MAN1A1: variants seen among roughly 807,000 people sequenced by gnomAD.
The protein encoded by MAN1A1 is mannosidase alpha class 1A member 1, also known as mannosyl-oligosaccharide 1,2-alpha-mannosidase IA.
In MAN1A1, 29 loss-of-function variants were observed where a neutral mutation model predicts 70.8. The ratio of observed to expected loss-of-function variants is 0.41; its 90% CI spans 0.31 to 0.56. The LOEUF (loss-of-function observed/expected upper bound fraction) is 0.56. Among genes scored for constraint, MAN1A1 ranks in the 20% least tolerant of loss-of-function variants. MAN1A1 has a pLI of 0.29. For synonymous variants in MAN1A1, 349 were observed against 330.1 expected, an observed-to-expected ratio of 1.06 and a Z score of -0.62; for missense variants, 747 against 841.3, an observed-to-expected ratio of 0.89 and a Z score of 1.39.
chr6:119,277,388 C>T (rs1482750848), intron 5 of MAN1A1, among the ~76,000 whole-genome samples: 1 of 152,086 alleles, frequency 6.6e-6, no homozygotes, highest in African/African-American at 2.4e-5. Context: ...AGTGATATCA[C>T]AAGAAAGTCT....
intron 9 of MAN1A1, among the ~76,000 whole-genome samples, chr6:119,192,039 C>T (rs4946404): frequency 0.28 from 42,490 of 152,040 alleles, 6,596 homozygotes; most frequent in East Asian, 0.55. Context: ...ACTTTGACTT[C>T]ATTTGTTCTT....
At chr6:119,254,981 C>A (rs184889476) in intron 5 of MAN1A1, among the ~76,000 whole-genome samples, 1 of 152,088 alleles carries the variant, frequency 6.6e-6, no homozygotes, top group Non-Finnish European at 1.5e-5. Flanking sequence ...TTTTGATCAA[C>A]GTTTTAAAAA....
chr6:119,231,522 G>C (rs1774675902), intron 6 of MAN1A1, among the ~76,000 whole-genome samples: 2 of 152,090 alleles, frequency 1.3e-5, no homozygotes, highest in African/African-American at 4.8e-5. Flanking sequence ...CTTCATAGCG[G>C]TGTGAGAACA....
chr6:119,301,334 G>A (rs1407364404), intron 4 of MAN1A1, among the ~76,000 whole-genome samples: 1 of 152,116 alleles, frequency 6.6e-6, no homozygotes, highest in Non-Finnish European at 1.5e-5. Flanking sequence ...GTCCTCCCCA[G>A]TCAAAATTAT....
At chr6:119,192,227 GTAAT>G (rs914794754) in intron 9 of MAN1A1, among the ~76,000 whole-genome samples, 13 of 152,104 alleles carry the variant, frequency 8.5e-5, no homozygotes, top group African/African-American at 3.1e-4. Context: ...TGCCAGTATG[GTAAT>G]TAGAGGATGA....
At position 119,349,525 on chromosome 6, in the gene MAN1A1, G is replaced by C. The variant is rs116384546; in HGVS notation, c.-223+17C>G. On this transcript the variant is annotated intron_variant, in intron 1 of 12. Transcript: ENST00000368468. ...GGTCAGGGCAGCGCGCGAGCACCTC[G>C]GGGAGGGGCAGCGCACCTCTGGGCA... 158 of 985,000 alleles carry C rather than the reference G, an allele frequency of 1.6e-4. 1 individual carries two copies. The African/African-American group carries it at 2.7e-3, about 17-fold the overall frequency. 61.0% of individuals were successfully genotyped at this position (985,000 alleles called of 1,614,324 possible).
intron 7 of MAN1A1, among the ~76,000 whole-genome samples, chr6:119,201,608 T>C (rs1361726270): frequency 6.6e-6 from 1 of 152,196 alleles, no homozygotes; most frequent in Admixed American, 6.5e-5. Flanking sequence ...TTGTGCATCC[T>C]AGTGGGACGG....
intron 5 of MAN1A1, among the ~76,000 whole-genome samples, chr6:119,267,627 C>T (rs1392315464): frequency 6.6e-6 from 1 of 152,140 alleles, no homozygotes; most frequent in Admixed American, 6.5e-5. Flanking sequence ...GCATCCAGAT[C>T]AAGAAACAGG....
Position 119,250,648 on chromosome 6 carries a change from C to CTCTGTGTG in MAN1A1, c.898-2295_898-2294insCACACAGA, listed in dbSNP as rs373911155. Among the ~76,000 whole-genome samples the CTCTGTGTG allele has an allele frequency of 7.4e-4, 110 of 148,634 alleles. 1 individual carries two copies. The East Asian group carries it at 0.021, about 29-fold the overall frequency. Reference sequence around the variant, plus strand: ...CAGACTCCTCTCTCTTGTTCTCTCTCTGTGTGTGTGTGTGTGTGTGTGTGT... The same window carrying CTCTGTGTG: ...CAGACTCCTCTCTCTTGTTCTCTCTCTCTGTGTGTGTGTGTGTGTGTGTGTGTGTGTGT... On this transcript the variant is annotated intron_variant, in intron 5 of 12. Coordinates refer to ENST00000368468, the MANE Select transcript of MAN1A1 (RefSeq NM_005907.4).
rs556632468 is a variant in MAN1A1, at chr6:119,215,344, T to C, written c.993-10462A>G. On this transcript the variant is annotated intron_variant, in intron 6 of 12. Transcript: ENST00000368468. ...TTTACATGGCATCAAGCATACAGTA[T>C]GAGGTAAATGGCAAAGGATACAGAA... 5.3e-5 allele frequency among the ~76,000 whole-genome samples: 8 copies of C among 152,334 alleles called. No homozygotes were observed. In the East Asian group the frequency reaches 1.2e-3, roughly 22 times the overall value.
At chr6:119,232,029 T>C (rs970497582) in intron 6 of MAN1A1, among the ~76,000 whole-genome samples, 2 of 152,186 alleles carry the variant, frequency 1.3e-5, no homozygotes, top group Non-Finnish European at 2.9e-5. Flanking sequence ...TGGTGAAATA[T>C]AGTTCTGGTA....
upstream of MAN1A1, chr6:119,350,391 T>G (rs1036796861): frequency 3.5e-6 from 1 of 286,606 alleles, no homozygotes; most frequent in African/African-American, 2.3e-5. Context: ...TATAACATCC[T>G]TTTACATCCT....
chr6:119,185,032 G>A (rs1773250337), intron 11 of MAN1A1, among the ~76,000 whole-genome samples: 1 of 152,064 alleles, frequency 6.6e-6, no homozygotes, highest in Non-Finnish European at 1.5e-5. Context: ...AGGGACTATA[G>A]GAGTGTGCCA....
At chr6:119,319,331 G>A (rs146371590) in intron 2 of MAN1A1, among the ~76,000 whole-genome samples, 1 of 150,810 alleles carries the variant, frequency 6.6e-6, no homozygotes, top group East Asian at 1.9e-4. Context: ...ATCTGATAGA[G>A]CCTGATTTTT....
intron 2 of MAN1A1, among the ~76,000 whole-genome samples, chr6:119,311,914 C>A (rs761714301): frequency 2.0e-5 from 3 of 152,086 alleles, no homozygotes; most frequent in Non-Finnish European, 4.4e-5. Context: ...TCTGCTTGTT[C>A]GGGCTATTTT....
chr6:119,308,380 AT>A (rs1430697010), intron 2 of MAN1A1, among the ~76,000 whole-genome samples: 2 of 152,062 alleles, frequency 1.3e-5, no homozygotes, highest in African/African-American at 2.4e-5. Context: ...TGTTTTCAGG[AT>A]TTTTTTCTTA....
chr6:119,188,163 T>C (rs1193081187), intron 11 of MAN1A1, among the ~76,000 whole-genome samples: 1 of 152,236 alleles, frequency 6.6e-6, no homozygotes, highest in Non-Finnish European at 1.5e-5. Flanking sequence ...ACTATGCCTT[T>C]CTAGTTATCT....
chr6:119,193,931 T>C, intron 8 of MAN1A1, 39 bp from the exon 9 acceptor site: 1 of 1,350,052 alleles, frequency 7.4e-7, no homozygotes, highest in African/African-American at 1.4e-5. Context: ...GTGATTCAGC[T>C]TTTAATTCAG....
chr6:119,279,181 T>C (rs1776161699), intron 5 of MAN1A1, among the ~76,000 whole-genome samples: 1 of 152,168 alleles, frequency 6.6e-6, no homozygotes, highest in East Asian at 1.9e-4. Flanking sequence ...AAGCTTCCAA[T>C]AACCTATTAA....
Sources: gnomAD v4.1 joint callset for allele counts (sites outside exome capture counted in the v4.1 genomes callset) on GRCh38, gnomAD v4.1.1 for gene constraint, MANE v1.5 for transcripts, NCBI Gene and HGNC (gene_info 2026-07-23, HGNC 2026-07-21) for gene names.